Variants in PCDHGA5 observed in about 807,000 individuals in gnomAD.
PCDHGA5 encodes protocadherin gamma-A5.
PCDHGA5 carries 36 observed loss-of-function variants against 56.7 expected under a neutral mutation model. The observed-to-expected ratio is 0.64, with a 90% confidence interval of 0.49 to 0.84. The LOEUF is 0.84. Ranked by LOEUF, PCDHGA5 falls within the 40% of genes least tolerant of loss-of-function variation. PCDHGA5 has a pLI of 0.00. For synonymous variants in PCDHGA5, 563 were observed against 520.2 expected, an observed-to-expected ratio of 1.08 and a Z score of -1.12; for missense variants, 1,305 against 1,201.5, an observed-to-expected ratio of 1.09 and a Z score of -1.27.
chr5:141,403,242 C>A, intron 1 of PCDHGA5: 1 of 1,613,932 alleles, frequency 6.2e-7, no homozygotes, highest in Non-Finnish European at 8.5e-7. Flanking sequence ...GAGCTCTGTG[C>A]TCAGAGCCCG....
rs761264372 is a variant in PCDHGA5 at position 141,489,500 on chromosome 5, A to G, written c.2422-5307A>G. 12 of 1,614,112 alleles carry G rather than the reference A, an allele frequency of 7.4e-6. No individual in the cohort carries two copies. In the South Asian group the frequency reaches 1.3e-4, roughly 18 times the overall value. On this transcript the variant is annotated intron_variant, in intron 1 of 3. Coordinates refer to ENST00000518069, the MANE Select transcript of PCDHGA5 (RefSeq NM_018918.3). This position sits in a 1 kb window ranked among gnomAD's most constrained non-coding sequence, Gnocchi z 4.5. ...TTGATGAGTGGTGCCCTGGCAGTGA[A>G]TCAAAAGATTGACCGAGAAAGCCTA...
rs1243112302 is a variant in PCDHGA5, at chr5:141,476,738, C to G, written c.2422-18069C>G. 6.2e-7 allele frequency: 1 copy of G among 1,614,076 alleles called. No homozygotes were observed. Among genetic ancestry groups the G allele is most frequent in the Non-Finnish European group, 8.5e-7 (1 of 1,180,028 alleles). On this transcript the variant is annotated intron_variant, in intron 1 of 3. Transcript: ENST00000518069. This position sits in a 1 kb window ranked among gnomAD's most constrained non-coding sequence, Gnocchi z 7.6. ...GCGCGCCCTGGACCGAGAACGGGAG[C>G]CTAGTCTCCAGTTAGTGCTGACGGC...
At chr5:141,375,105 A>C (rs371346343) in intron 1 of PCDHGA5, 14 of 1,613,840 alleles carry the variant, frequency 8.7e-6, no homozygotes, top group African/African-American at 2.7e-5. Context: ...TTGGATGTCA[A>C]TGATAATGTA....
intron 3 of PCDHGA5, among the ~76,000 whole-genome samples, chr5:141,509,164 C>A (rs1454864362): frequency 6.6e-6 from 1 of 152,188 alleles, no homozygotes; most frequent in Non-Finnish European, 1.5e-5. Context: ...TCCCGTGTGC[C>A]CTCCTCCTCT....
At position 141,375,580 on chromosome 5, in the gene PCDHGA5, G is replaced by C; in HGVS notation, c.2421+8829G>C. The C allele has an allele frequency of 1.9e-6, 3 of 1,614,092 alleles. 1 individual carries two copies. The highest frequency in any genetic ancestry group is 2.2e-5 in the South Asian group (2 of 91,078). On this transcript the variant is annotated intron_variant, in intron 1 of 3. Transcript: ENST00000518069. ...TGGCAGAAGACACCCTCCAGGGGGC[G>C]CCCCTGTCCTCCTACGTGTCCATCA...
intron 1 of PCDHGA5, among the ~76,000 whole-genome samples, chr5:141,463,049 T>C (rs529642816): frequency 3.9e-4 from 60 of 152,326 alleles, no homozygotes; most frequent in African/African-American, 1.3e-3. Context: ...CAGCAGGGTC[T>C]CTTTATTATG....
At chr5:141,430,404 A>T (rs1054341813) in intron 1 of PCDHGA5, among the ~76,000 whole-genome samples, 2 of 152,000 alleles carry the variant, frequency 1.3e-5, no homozygotes, top group African/African-American at 4.8e-5. Flanking sequence ...AAAGCTCACT[A>T]AAGTTTCTAT....
chr5:141,381,817 TTTC>T (rs1262770842), intron 1 of PCDHGA5, among the ~76,000 whole-genome samples: 8 of 136,196 alleles, frequency 5.9e-5, no homozygotes, highest in African/African-American at 2.1e-4. Context: ...TCTTTCTTTC[TTTC>T]TTCTTCTTTT....
chr5:141,389,131 A>G, intron 1 of PCDHGA5: 2 of 1,614,024 alleles, frequency 1.2e-6, no homozygotes, highest in African/African-American at 2.7e-5. Flanking sequence ...AATCCAGAGT[A>G]CAATATAACC....
At chr5:141,484,621 T>C (rs2099598239) in intron 1 of PCDHGA5, among the ~76,000 whole-genome samples, 1 of 152,058 alleles carries the variant, frequency 6.6e-6, no homozygotes, top group Admixed American at 6.6e-5. Flanking sequence ...CAACACTGGC[T>C]TGAACAAAGT....
intron 1 of PCDHGA5, chr5:141,394,242 CACGACCCCG>C (rs1450725417): frequency 1.2e-6 from 2 of 1,613,838 alleles, no homozygotes; most frequent in Non-Finnish European, 1.7e-6. Flanking sequence ...CTTGACTGCA[CACGACCCCG>C]ACAGCCAGGA....
At chr5:141,399,515 C>G (rs748098945) in intron 1 of PCDHGA5, 1 of 1,614,040 alleles carries the variant, frequency 6.2e-7, no homozygotes, top group Non-Finnish European at 8.5e-7. Context: ...AACAACCCTC[C>G]TGGGGCCTCC....
At chr5:141,371,305 T>A in intron 1 of PCDHGA5, 1 of 1,613,940 alleles carries the variant, frequency 6.2e-7, no homozygotes, top group Non-Finnish European at 8.5e-7. Context: ...CTCACCACTA[T>A]TGGAGAACTG....
At chr5:141,403,594 C>A in intron 1 of PCDHGA5, 2 of 1,613,848 alleles carry the variant, frequency 1.2e-6, no homozygotes, top group Non-Finnish European at 1.7e-6. Context: ...TCCTCACGGC[C>A]TCGGATGGCG....
intron 1 of PCDHGA5, among the ~76,000 whole-genome samples, chr5:141,438,340 G>A (rs1348587719): frequency 6.6e-6 from 1 of 151,522 alleles, no homozygotes; most frequent in Non-Finnish European, 1.5e-5. Flanking sequence ...TGTCATATAA[G>A]GATCTACTCT....
intron 1 of PCDHGA5, chr5:141,372,201 T>C: frequency 6.2e-7 from 1 of 1,613,588 alleles, no homozygotes; most frequent in Non-Finnish European, 8.5e-7. Flanking sequence ...ATACAACGCC[T>C]GGCTGTCCTA....
intron 2 of PCDHGA5, among the ~76,000 whole-genome samples, chr5:141,500,182 A>T (rs1050067271): frequency 4.6e-5 from 6 of 131,718 alleles, no homozygotes; most frequent in African/African-American, 1.9e-4. Context: ...CTTCATTTTT[A>T]TTTTTATTTA....
intron 1 of PCDHGA5, chr5:141,390,010 T>C: frequency 6.2e-7 from 1 of 1,614,044 alleles, no homozygotes; most frequent in East Asian, 2.2e-5. Context: ...ATTCTGGCCA[T>C]TGCCTTGCGC....
At chr5:141,421,461 G>C (rs1216014695) in intron 1 of PCDHGA5, 2 of 1,614,034 alleles carry the variant, frequency 1.2e-6, no homozygotes, top group Non-Finnish European at 8.5e-7. Context: ...TTTTCGCTGT[G>C]AATCCGCGAA....
Sources: gnomAD v4.1 joint callset for allele counts (sites outside exome capture counted in the v4.1 genomes callset) on GRCh38, gnomAD v4.1.1 for gene constraint, Gnocchi (gnomAD v3.1) non-coding constraint, MANE v1.5 for transcripts, NCBI Gene and HGNC (gene_info 2026-07-23, HGNC 2026-07-21) for gene names.